Variants in PCNX1 observed in about 807,000 individuals in gnomAD.
The protein encoded by PCNX1 is pecanex-like protein 1.
PCNX1 carries 78 observed loss-of-function variants against 242.2 expected under a neutral mutation model. The ratio of observed to expected loss-of-function variants is 0.32; its 90% CI spans 0.27 to 0.39. PCNX1 has a LOEUF of 0.39. Ranked by LOEUF, PCNX1 falls within the 10% of genes least tolerant of loss-of-function variation. The pLI is 1.00. For missense variants in PCNX1, 2,581 were observed against 2,856.5 expected, an observed-to-expected ratio of 0.90 and a Z score of 2.20; for synonymous variants, 1,024 against 1,032.9, an observed-to-expected ratio of 0.99 and a Z score of 0.17.
chr14:71,033,459 C>T lies in PCNX1; in HGVS notation c.3589C>T (p.Leu1197Phe). 6.2e-7 allele frequency: 1 copy of T among 1,607,208 alleles called. No homozygotes were observed. The highest frequency in any genetic ancestry group is 2.2e-5 in the East Asian group (1 of 44,772). The change falls in exon 17 of 36, where the codon CTT becomes TTT. Residue 1197 changes from leucine (L) to phenylalanine (F), a missense_variant. Leu to Phe is a conservative substitution (Grantham distance 22). This residue lies in a region of PCNX1 where 432 missense variants were observed against 443.1 expected (regional missense o/e 0.97). Transcript: ENST00000304743. ...TTGGGATGGCCAGCATATTCCAGTA[C>T]TTTTCTCCATTTTTTGTGGTTTATT... ...DSWDGQHIPV[L>F]FSIFCGLLVA...
intron 11 of PCNX1, among the ~76,000 whole-genome samples, chr14:71,016,469 C>T (rs892138056): frequency 6.6e-6 from 1 of 152,150 alleles, no homozygotes; most frequent in African/African-American, 2.4e-5. Context: ...GCTCACAGAA[C>T]ATTTACTAAG....
intron 19 of PCNX1, 65 bp from the exon 20 acceptor site, chr14:71,045,068 A>G (rs2060820893): frequency 8.3e-7 from 1 of 1,209,302 alleles, no homozygotes; most frequent in Non-Finnish European, 1.2e-6. Flanking sequence ...GAACTGACAA[A>G]TTAGAATTTC....
rs2056094373 is a variant in PCNX1, at chr14:70,915,044, C to T, written c.153+7041C>T. Among the ~76,000 whole-genome samples the T allele has an allele frequency of 3.3e-5, 5 of 152,082 alleles. No individual in the cohort carries two copies. In the South Asian group the frequency reaches 1.0e-3, roughly 32 times the overall value. On this transcript the variant is annotated intron_variant, in intron 1 of 35. Coordinates refer to ENST00000304743, the MANE Select transcript of PCNX1 (RefSeq NM_014982.3). ...TCATGTAGCACATGCTTTGTGTAAG[C>T]CACCTTCACTCAGCATAACGTGGTT... is the stretch of plus-strand genomic sequence containing the variant.
chr14:70,938,979 C>G (rs1193561413), intron 1 of PCNX1, among the ~76,000 whole-genome samples: 1 of 152,078 alleles, frequency 6.6e-6, no homozygotes, highest in Non-Finnish European at 1.5e-5. Context: ...GGTGACATCC[C>G]CTTTATCATT....
At chr14:71,063,619 C>T (rs1323185413) in intron 26 of PCNX1, among the ~76,000 whole-genome samples, 1 of 152,102 alleles carries the variant, frequency 6.6e-6, no homozygotes, top group African/African-American at 2.4e-5. Flanking sequence ...CTCACCTACC[C>T]GTCTGCCAAA....
intron 1 of PCNX1, among the ~76,000 whole-genome samples, chr14:70,940,928 G>C (rs1351817609): frequency 6.6e-6 from 1 of 152,032 alleles, no homozygotes; most frequent in African/African-American, 2.4e-5. Context: ...GCTACTGAAG[G>C]TTGTGCATGC....
intron 26 of PCNX1, among the ~76,000 whole-genome samples, chr14:71,068,591 C>CGTGCGTGTGT (rs1555373195): frequency 2.1e-4 from 26 of 124,032 alleles, no homozygotes; most frequent in Admixed American, 6.3e-4. Context: ...TATGTACGTG[C>CGTGCGTGTGT]GTGTGTGTGT....
chr14:70,949,120 GTATATA>G, intron 2 of PCNX1, among the ~76,000 whole-genome samples: 1 of 134,584 alleles, frequency 7.4e-6, no homozygotes, highest in Middle Eastern at 5.3e-3. Context: ...ACGTATATGT[GTATATA>G]TGTACATATA....
Position 70,914,674 on chromosome 14 carries a change from T to G in PCNX1, c.153+6671T>G, listed in dbSNP as rs74061483. 8.6e-3 allele frequency among the ~76,000 whole-genome samples: 1,317 copies of G among 152,342 alleles called. 26 individuals are homozygous for G. Among genetic ancestry groups the G allele is most frequent in the African/African-American group, 0.03 (1,242 of 41,570 alleles). ...AGAAAATTGTACCCACCACCTGGAT[T>G]CTGTGTTTTTAAATATTGTGTCTCT... is the stretch of plus-strand genomic sequence containing the variant. On this transcript the variant is annotated intron_variant, in intron 1 of 35. Coordinates refer to ENST00000304743, the MANE Select transcript of PCNX1 (RefSeq NM_014982.3).
At chr14:70,958,511 G>A (rs992214588) in intron 2 of PCNX1, among the ~76,000 whole-genome samples, 2 of 152,146 alleles carry the variant, frequency 1.3e-5, no homozygotes, top group African/African-American at 4.8e-5. Flanking sequence ...GATGTGTCAG[G>A]ATGCAACGTT....
intron 1 of PCNX1, among the ~76,000 whole-genome samples, chr14:70,939,805 G>A (rs1448904443): frequency 2.0e-5 from 3 of 152,150 alleles, no homozygotes; most frequent in East Asian, 1.9e-4. Flanking sequence ...TTATGAATCC[G>A]GGTGCTCCTG....
In PCNX1 at chr14:71,070,341, A is replaced by G. The variant is rs535916440; in HGVS notation, c.4853-3204A>G. Among the ~76,000 whole-genome samples the G allele has an allele frequency of 1.6e-4, 24 of 152,314 alleles. No individual in the cohort carries two copies. In the East Asian group the frequency reaches 4.1e-3, roughly 26 times the overall value. On this transcript the variant is annotated intron_variant, in intron 26 of 35. Transcript: ENST00000304743. ...TTTGACCTCCTCCCATGAATCATGA[A>G]TGTCCTTACTGGCATCTAAAAGGGT...
At chr14:70,940,518 C>T (rs2057192353) in intron 1 of PCNX1, among the ~76,000 whole-genome samples, 1 of 152,198 alleles carries the variant, frequency 6.6e-6, no homozygotes, top group African/African-American at 2.4e-5. Context: ...ATGGGCTTCC[C>T]TTTGTGGGTA....
At chr14:70,934,629 A>G (rs2056929671) in intron 1 of PCNX1, among the ~76,000 whole-genome samples, 1 of 152,156 alleles carries the variant, frequency 6.6e-6, no homozygotes, top group Non-Finnish European at 1.5e-5. Flanking sequence ...CAGTGTTGAA[A>G]TATTCACATT....
chr14:70,983,035 C>G (rs945289635), intron 6 of PCNX1, among the ~76,000 whole-genome samples: 3 of 152,180 alleles, frequency 2.0e-5, no homozygotes, highest in Non-Finnish European at 4.4e-5. Flanking sequence ...TGATGTCTTT[C>G]ATTTGTAAGG....
chr14:71,057,131 ATAGTCTTTTGTTC>A (rs971113041), intron 25 of PCNX1, among the ~76,000 whole-genome samples: 4 of 152,016 alleles, frequency 2.6e-5, no homozygotes, highest in African/African-American at 9.7e-5. Flanking sequence ...CCTTTACTAA[ATAGTCTTTTGTTC>A]TTCTTCTGAA....
At chr14:70,951,055 T>C (rs1353301754) in intron 2 of PCNX1, among the ~76,000 whole-genome samples, 17 of 152,126 alleles carry the variant, frequency 1.1e-4, no homozygotes, top group Admixed American at 1.1e-3. Context: ...TCAGTATTTT[T>C]ATCATTTTAC....
intron 1 of PCNX1, among the ~76,000 whole-genome samples, chr14:70,926,858 GGAAAA>G (rs2056613571): frequency 6.6e-6 from 1 of 152,148 alleles, no homozygotes; most frequent in Non-Finnish European, 1.5e-5. Flanking sequence ...AGCGTGATGA[GGAAAA>G]GAATGTCTGA....
chr14:70,955,303 G>C (rs1438383578), intron 2 of PCNX1, among the ~76,000 whole-genome samples: 1 of 152,150 alleles, frequency 6.6e-6, no homozygotes, highest in Non-Finnish European at 1.5e-5. Flanking sequence ...CTGGATTTTA[G>C]GCTGTTTTCT....
Sources: allele counts gnomAD v4.1 joint callset (sites outside exome capture counted in the v4.1 genomes callset), GRCh38; gene constraint gnomAD v4.1.1; regional missense constraint gnomAD v4.1.1; transcripts MANE v1.5; gene names NCBI Gene and HGNC (gene_info 2026-07-23, HGNC 2026-07-21).